The following HIKESHI variants were observed in gnomAD, a reference collection of about 807,000 sequenced individuals.
HIKESHI encodes protein Hikeshi.
A neutral mutation model predicts 25.7 loss-of-function variants in HIKESHI; 13 were observed. That is an observed-to-expected ratio of 0.51 (90% CI 0.33 to 0.80). HIKESHI has a LOEUF of 0.80. Among genes scored for constraint, HIKESHI ranks in the 30% least tolerant of loss-of-function variants. HIKESHI has a pLI of 0.02. For synonymous variants in HIKESHI, 76 were observed against 78.7 expected (o/e 0.97, Z 0.18); for missense variants, 174 against 229.5 (o/e 0.76, Z 1.56).
intron 1 of HIKESHI, among the ~76,000 whole-genome samples, chr11:86,304,776 A>G (rs1332138075): frequency 2.0e-5 from 3 of 152,164 alleles, no homozygotes; most frequent in Non-Finnish European, 4.4e-5. Context: ...TTGGCCTCCC[A>G]AAGTGCTGGG....
At chr11:86,319,389 C>T (rs893263518) in intron 2 of HIKESHI, among the ~76,000 whole-genome samples, 35 of 150,426 alleles carry the variant, frequency 2.3e-4, no homozygotes, top group African/African-American at 8.5e-4. Context: ...AAGCACACAT[C>T]ACCACACCTG....
At chr11:86,318,170 G>C (rs1947039430) in intron 2 of HIKESHI, among the ~76,000 whole-genome samples, 3 of 151,564 alleles carry the variant, frequency 2.0e-5, no homozygotes, top group Admixed American at 6.6e-5. Context: ...CGGGCGTGGT[G>C]GTGGGCGCCT....
chr11:86,315,177 A>C (rs1328438279), intron 2 of HIKESHI, among the ~76,000 whole-genome samples: 2 of 152,224 alleles, frequency 1.3e-5, no homozygotes, highest in Admixed American at 1.3e-4. Flanking sequence ...ATTACTGAAC[A>C]TTAAATATAA....
chr11:86,324,380 C>T (rs543364886), intron 2 of HIKESHI: 1 of 152,078 alleles, frequency 6.6e-6, no homozygotes, highest in Non-Finnish European at 1.5e-5. Context: ...TAGTTTTATT[C>T]ATGAAAACAA....
intron 3 of HIKESHI, among the ~76,000 whole-genome samples, chr11:86,343,182 C>T (rs1174206434): frequency 6.6e-6 from 1 of 152,054 alleles, no homozygotes; most frequent in African/African-American, 2.4e-5. Context: ...AAAAATCTTA[C>T]TAGTTTGTCT....
rs1277470875 is a variant in HIKESHI, at chr11:86,307,098, ACAT to A, written c.268+620_268+622del. 3.8e-5 allele frequency among the ~76,000 whole-genome samples: 5 copies of A among 131,838 alleles called. 1 individual carries two copies. Among genetic ancestry groups the A allele is most frequent in the Non-Finnish European group, 7.8e-5 (5 of 64,032 alleles). 86.5% of individuals were successfully genotyped at this position (131,838 alleles called of 152,430 possible). A position where few individuals can be genotyped will look rare whatever the true frequency, so the allele number is the denominator to read the frequency against. ...ATCATGTATCAAATATGTGTAATAT[ACAT>A]CATGTATCAAATATATATTATGTAT... On this transcript the variant is annotated intron_variant, in intron 2 of 4. Transcript: ENST00000278483.
chr11:86,309,368 T>G (rs1946772306), intron 2 of HIKESHI, among the ~76,000 whole-genome samples: 1 of 152,238 alleles, frequency 6.6e-6, no homozygotes, highest in Admixed American at 6.5e-5. Context: ...ACATGTCTTC[T>G]TTTGAGAAGT....
chr11:86,326,983 C>T (rs1222340159), intron 2 of HIKESHI, among the ~76,000 whole-genome samples: 1 of 151,964 alleles, frequency 6.6e-6, no homozygotes, highest in Non-Finnish European at 1.5e-5. Flanking sequence ...CCTAACTACT[C>T]GGGAGGCTGA....
chr11:86,316,115 TAA>T (rs11340933), intron 2 of HIKESHI, among the ~76,000 whole-genome samples: 297 of 75,240 alleles, frequency 3.9e-3, no homozygotes, highest in African/African-American at 0.012. Flanking sequence ...CTGTCTCCAT[TAA>T]AAAAAAAAAA....
intron 2 of HIKESHI, among the ~76,000 whole-genome samples, chr11:86,335,951 C>T (rs1216935564): frequency 2.0e-5 from 3 of 152,184 alleles, no homozygotes; most frequent in Non-Finnish European, 4.4e-5. Context: ...CCCAGGGAAG[C>T]ACAGGCAAAG....
At chr11:86,318,428 T>C (rs377100710) in intron 2 of HIKESHI, among the ~76,000 whole-genome samples, 2 of 151,834 alleles carry the variant, frequency 1.3e-5, no homozygotes. Context: ...TACAAAGTTC[T>C]ACTATACCTT....
chr11:86,308,515 A>G (rs540460673), intron 2 of HIKESHI, among the ~76,000 whole-genome samples: 2 of 144,732 alleles, frequency 1.4e-5, no homozygotes, highest in East Asian at 2.1e-4. Flanking sequence ...CACCCTGCCA[A>G]TGTTCTTCTT....
chr11:86,339,339 C>T (rs150774891), intron 3 of HIKESHI, among the ~76,000 whole-genome samples: 236 of 152,296 alleles, frequency 1.5e-3, no homozygotes, highest in African/African-American at 5.4e-3. Flanking sequence ...TGAGCCACCG[C>T]GCCCAGCCTG....
intron 2 of HIKESHI, among the ~76,000 whole-genome samples, chr11:86,325,211 G>A (rs933178310): frequency 2.0e-5 from 3 of 151,856 alleles, no homozygotes; most frequent in African/African-American, 4.8e-5. Flanking sequence ...GAAAAATTTT[G>A]GCAGTGCTTA....
chr11:86,305,082 C>T (rs1326089100), intron 1 of HIKESHI, among the ~76,000 whole-genome samples: 1 of 152,192 alleles, frequency 6.6e-6, no homozygotes, highest in Non-Finnish European at 1.5e-5. Flanking sequence ...TTGCTGCAGC[C>T]TTGACATCCT....
At chr11:86,342,145 T>C (rs1241186934) in intron 3 of HIKESHI, among the ~76,000 whole-genome samples, 2 of 152,236 alleles carry the variant, frequency 1.3e-5, no homozygotes, top group East Asian at 3.8e-4. Flanking sequence ...CTTTTGGCTG[T>C]GTTTGTATTT....
chr11:86,305,200 A>G (rs1360872213), intron 1 of HIKESHI, among the ~76,000 whole-genome samples: 3 of 150,868 alleles, frequency 2.0e-5, no homozygotes, highest in East Asian at 2.0e-4. Flanking sequence ...GGATTTTGCC[A>G]TGTTGCCCTG....
chr11:86,327,178 T>C (rs987822031), intron 2 of HIKESHI, among the ~76,000 whole-genome samples: 60 of 152,182 alleles, frequency 3.9e-4, no homozygotes, highest in African/African-American at 1.3e-3. Flanking sequence ...GTTATAATGA[T>C]TGAAAAATGA....
rs571119706 is a variant in HIKESHI, at chr11:86,306,608, T to G, written c.268+126T>G. ...TGGTTGTTAAAGTAATACAAAACAT[T>G]GTTTTTTAAAAAAGACAATACAGAA... On this transcript the variant is annotated intron_variant, in intron 2 of 4. Coordinates refer to ENST00000278483, the MANE Select transcript of HIKESHI (RefSeq NM_016401.4). The G allele has an allele frequency of 6.7e-6, 4 of 595,890 alleles. No individual in the cohort carries two copies. The East Asian group carries it at 1.2e-4, about 17-fold the overall frequency. The allele number at this position is 595,890 out of a possible 1,614,324, so 36.9% of individuals were successfully genotyped here.
Sources: allele counts gnomAD v4.1 joint callset (sites outside exome capture counted in the v4.1 genomes callset), GRCh38; gene constraint gnomAD v4.1.1; transcripts MANE v1.5; gene names NCBI Gene and HGNC (gene_info 2026-07-23, HGNC 2026-07-21).